The following SLIT3 variants were observed in gnomAD, a reference collection of about 807,000 sequenced individuals.
SLIT3 encodes slit guidance ligand 3.
A neutral mutation model predicts 184.0 loss-of-function variants in SLIT3; 68 were observed. The observed-to-expected ratio is 0.37, with a 90% confidence interval of 0.30 to 0.45. SLIT3 has a LOEUF of 0.45. Ranked by LOEUF, SLIT3 falls within the 20% of genes least tolerant of loss-of-function variation. The probability of loss-of-function intolerance (pLI) is 1.00; values close to 1 mark genes in which losing one functional copy is unlikely to be tolerated. For missense variants in SLIT3, 1,707 were observed against 2,026.0 expected (o/e 0.84, Z 3.02); for synonymous variants, 831 against 828.6 (o/e 1.00, Z -0.05).
intron 4 of SLIT3, among the ~76,000 whole-genome samples, chr5:168,961,003 T>C (rs1030991596): frequency 4.6e-5 from 7 of 152,324 alleles, no homozygotes; most frequent in Admixed American, 6.5e-5. Flanking sequence ...TAACCAGCCA[T>C]TGACCTTTAA....
intron 4 of SLIT3, chr5:169,018,362 T>TA (rs1462814680): frequency 3.4e-5 from 5 of 147,926 alleles, no homozygotes; most frequent in Admixed American, 1.3e-4. Context: ...AAAAGGGCAG[T>TA]AAAATAAAAA....
At chr5:169,056,580 A>C (rs760108306) in intron 4 of SLIT3, among the ~76,000 whole-genome samples, 2 of 151,360 alleles carry the variant, frequency 1.3e-5, no homozygotes, top group Non-Finnish European at 2.9e-5. Flanking sequence ...CCAGACATTC[A>C]TAGCTGGCGA....
At chr5:169,026,696 G>A (rs992008508) in intron 4 of SLIT3, 2 of 152,052 alleles carry the variant, frequency 1.3e-5, no homozygotes, top group African/African-American at 4.8e-5. Flanking sequence ...ATACTGAAAT[G>A]TTAATGACTG....
At chr5:169,019,637 T>C (rs889433426) in intron 4 of SLIT3, among the ~76,000 whole-genome samples, 1 of 152,198 alleles carries the variant, frequency 6.6e-6, no homozygotes, top group Non-Finnish European at 1.5e-5. Flanking sequence ...CTGCTACCTC[T>C]ACCACTTGCT....
chr5:169,032,308 G>A (rs1476199661), intron 4 of SLIT3, among the ~76,000 whole-genome samples: 1 of 152,044 alleles, frequency 6.6e-6, no homozygotes, highest in African/African-American at 2.4e-5. Flanking sequence ...ATAAGTTACT[G>A]GAAACCAAGA....
At chr5:169,005,997 C>T (rs1755911037) in intron 4 of SLIT3, among the ~76,000 whole-genome samples, 1 of 152,242 alleles carries the variant, frequency 6.6e-6, no homozygotes, top group Non-Finnish European at 1.5e-5. Context: ...CTTCAACAGG[C>T]AATTCCTCAG....
At chr5:169,190,259 T>C (rs1327997428) in intron 4 of SLIT3, among the ~76,000 whole-genome samples, 2 of 152,248 alleles carry the variant, frequency 1.3e-5, no homozygotes, top group Non-Finnish European at 2.9e-5. Flanking sequence ...CAAGGCCCTC[T>C]TCACCAGGAT....
intron 20 of SLIT3, among the ~76,000 whole-genome samples, chr5:168,746,456 G>C: frequency 1.1e-5 from 1 of 92,760 alleles, no homozygotes; most frequent in African/African-American, 4.2e-5. Context: ...GTGGCAGTGT[G>C]TGGTGGTGTG....
At chr5:168,896,544 A>T (rs1370002220) in intron 4 of SLIT3, among the ~76,000 whole-genome samples, 3 of 152,208 alleles carry the variant, frequency 2.0e-5, no homozygotes, top group Non-Finnish European at 4.4e-5. Flanking sequence ...TATGAAAGAA[A>T]GTAGTAATTG....
intron 4 of SLIT3, among the ~76,000 whole-genome samples, chr5:169,135,750 C>T (rs1440505632): frequency 6.6e-6 from 1 of 152,208 alleles, no homozygotes; most frequent in African/African-American, 2.4e-5. Flanking sequence ...AGGCAATCTC[C>T]ATGAGCTCTA....
intron 1 of SLIT3, among the ~76,000 whole-genome samples, chr5:169,271,903 G>A (rs948708122): frequency 2.6e-5 from 4 of 152,188 alleles, no homozygotes; most frequent in African/African-American, 9.6e-5. Flanking sequence ...TAGGCTTCCA[G>A]GGTATCCCAA....
chr5:169,146,457 C>T (rs1476198986), intron 4 of SLIT3, among the ~76,000 whole-genome samples: 1 of 152,220 alleles, frequency 6.6e-6, no homozygotes, highest in Non-Finnish European at 1.5e-5. Context: ...GCTTTCATCA[C>T]TTCATTTCCC....
At chr5:169,207,820 G>T (rs768410597) in intron 3 of SLIT3, among the ~76,000 whole-genome samples, 1 of 152,220 alleles carries the variant, frequency 6.6e-6, no homozygotes, top group Non-Finnish European at 1.5e-5. Flanking sequence ...GAGCCCTCAT[G>T]AATGGGATTA....
chr5:169,102,347 A>G (rs1581411768), intron 4 of SLIT3, among the ~76,000 whole-genome samples: 1 of 152,226 alleles, frequency 6.6e-6, no homozygotes, highest in Non-Finnish European at 1.5e-5. Flanking sequence ...ATGAATATAT[A>G]TACAGTTGTC....
intron 4 of SLIT3, among the ~76,000 whole-genome samples, chr5:168,985,777 G>A (rs955551934): frequency 1.3e-5 from 2 of 152,098 alleles, no homozygotes; most frequent in Admixed American, 6.5e-5. Context: ...AGTGAGGAGA[G>A]GGCTCCTCTC....
chr5:168,754,052 G>A, intron 16 of SLIT3, 45 bp from the exon 17 acceptor site: 2 of 1,523,906 alleles, frequency 1.3e-6, no homozygotes, highest in East Asian at 2.5e-5. Context: ...AGGAGCAGAT[G>A]GTCTTGATGC....
chr5:168,845,726 T>A (rs1282521035), intron 5 of SLIT3, among the ~76,000 whole-genome samples: 1 of 152,130 alleles, frequency 6.6e-6, no homozygotes, highest in Non-Finnish European at 1.5e-5. Flanking sequence ...ATAACCCACT[T>A]TATTCCTTAA....
intron 29 of SLIT3, among the ~76,000 whole-genome samples, chr5:168,690,508 CTGCTT>C (rs1397050863): frequency 1.3e-5 from 2 of 152,200 alleles, no homozygotes; most frequent in African/African-American, 4.8e-5. Flanking sequence ...CTGGCCTGCT[CTGCTT>C]TGAGTTCACG....
At chr5:169,109,300 A>G (rs1760326735) in intron 4 of SLIT3, among the ~76,000 whole-genome samples, 1 of 152,204 alleles carries the variant, frequency 6.6e-6, no homozygotes, top group East Asian at 1.9e-4. Flanking sequence ...CTAGGACATG[A>G]GGATGGTTTC....
Sources: allele counts gnomAD v4.1 joint callset (sites outside exome capture counted in the v4.1 genomes callset), GRCh38; gene constraint gnomAD v4.1.1; transcripts MANE v1.5; gene names NCBI Gene and HGNC (gene_info 2026-07-23, HGNC 2026-07-21).